GPC4: variants seen among roughly 807,000 people sequenced by gnomAD.
GPC4 encodes the protein glypican 4, also known as glypican-4.
In GPC4, 10 loss-of-function variants were observed where a neutral mutation model predicts 35.0. The ratio of observed to expected loss-of-function variants is 0.29; its 90% CI spans 0.18 to 0.48. GPC4 has a LOEUF of 0.48. Ranked by LOEUF, GPC4 falls within the 20% of genes least tolerant of loss-of-function variation. The probability of loss-of-function intolerance (pLI) is 0.99; values close to 1 mark genes in which losing one functional copy is unlikely to be tolerated. For synonymous variants in GPC4, 167 were observed against 170.2 expected, an observed-to-expected ratio of 0.98 and a Z score of 0.15; for missense variants, 322 against 451.3, an observed-to-expected ratio of 0.71 and a Z score of 2.60.
intron 2 of GPC4, among the ~76,000 whole-genome samples, chrX:133,325,067 T>C (rs948556008): frequency 1.8e-5 from 2 of 111,110 alleles, no homozygotes; most frequent in African/African-American, 3.3e-5. Context: ...TCATGCACTA[T>C]AGCTGCCTGG....
intron 1 of GPC4, among the ~76,000 whole-genome samples, chrX:133,391,712 A>G (rs759588656): frequency 2.2e-4 from 25 of 111,816 alleles, no homozygotes; most frequent in Non-Finnish European, 4.5e-4. Context: ...TGGGCTGTGC[A>G]CATCAAGCAA....
chrX:133,362,741 C>T (rs1169289963), intron 1 of GPC4, among the ~76,000 whole-genome samples: 1 of 112,000 alleles, frequency 8.9e-6, no homozygotes, highest in Non-Finnish European at 1.9e-5. Context: ...TGATGGCTCA[C>T]ACAATCTTTA....
At chrX:133,315,577 C>G (rs1468878970) in intron 3 of GPC4, among the ~76,000 whole-genome samples, 1 of 111,417 alleles carries the variant, frequency 9.0e-6, no homozygotes, top group Non-Finnish European at 1.9e-5. Flanking sequence ...TCAATTACTT[C>G]TTTTGAGTCT....
intron 1 of GPC4, among the ~76,000 whole-genome samples, chrX:133,405,915 C>T (rs1000572440): frequency 8.0e-5 from 9 of 111,968 alleles, no homozygotes; most frequent in African/African-American, 2.9e-4. Context: ...GCCTTTTCTC[C>T]ACATAGAATG....
chrX:133,401,239 A>G (rs953171420), intron 1 of GPC4, among the ~76,000 whole-genome samples: 16 of 111,415 alleles, frequency 1.4e-4, no homozygotes, highest in African/African-American at 5.2e-4. Context: ...GGCATGGGGA[A>G]CCATTGGAGC....
At chrX:133,311,487 T>C (rs1382161583) in intron 3 of GPC4, 64 bp from the exon 4 acceptor site, 1 of 1,044,515 alleles carries the variant, frequency 9.6e-7, no homozygotes, top group South Asian at 1.9e-5. Flanking sequence ...AAATTGCTTC[T>C]ATCACATTGA....
intron 1 of GPC4, among the ~76,000 whole-genome samples, chrX:133,357,028 A>G (rs1292425793): frequency 1.8e-5 from 2 of 111,375 alleles, no homozygotes; most frequent in Non-Finnish European, 3.8e-5. Context: ...TTATATGGAA[A>G]GCATAACAGC....
rs1603052382 is a variant in GPC4 at position 133,300,450 on chromosome X, T to C, written c.*2417A>G. 2.7e-5 allele frequency: 3 copies of C among 112,084 alleles called. No individual in the cohort carries two copies. The highest frequency in any genetic ancestry group is 9.7e-5 in the African/African-American group (3 of 30,867). 9.2% of individuals were successfully genotyped at this position (112,084 alleles called of 1,213,427 possible). Reference sequence around the variant, plus strand: ...TATTCTACTTCATACTCCAAACTCTTAAGGTTTTAAAATATTCAACTTGCC... The same window carrying C: ...TATTCTACTTCATACTCCAAACTCTCAAGGTTTTAAAATATTCAACTTGCC... On this transcript the variant is annotated 3_prime_UTR_variant, in exon 9 of 9. Transcript: ENST00000370828.
intron 1 of GPC4, among the ~76,000 whole-genome samples, chrX:133,406,318 T>C (rs2068787038): frequency 8.9e-6 from 1 of 112,498 alleles, no homozygotes. Context: ...TCCTCCATGT[T>C]TGACACACCT....
chrX:133,403,019 G>A (rs1243714027), intron 1 of GPC4, among the ~76,000 whole-genome samples: 6 of 110,909 alleles, frequency 5.4e-5, no homozygotes, highest in Admixed American at 9.7e-5. Context: ...TTTGTCTACC[G>A]GGATTAAAAC....
At chrX:133,378,390 AC>A (rs1403351655) in intron 1 of GPC4, among the ~76,000 whole-genome samples, 1 of 108,424 alleles carries the variant, frequency 9.2e-6, no homozygotes, top group African/African-American at 3.4e-5. Context: ...ACACGGTGAA[AC>A]CCCATCTCTA....
In GPC4 at chrX:133,303,228, C is replaced by T; in HGVS notation, c.1406G>A (p.Arg469Gln). 7.4e-6 allele frequency: 9 copies of T among 1,211,502 alleles called. No individual in the cohort carries two copies. Among genetic ancestry groups the T allele is most frequent in the Non-Finnish European group, 8.9e-6 (8 of 895,298 alleles). ...ILILRQIMALRVMTSKMKNAY... is the reference protein window; with the variant it reads ...ILILRQIMALQVMTSKMKNAY... ...ATTCTTCATCTTGCTGGTCATCACT[C>T]GAAGAGCCATGATTTGACGAAGGAT... Residue 469 changes from arginine to glutamine, a missense_variant, in exon 8 of 9, where the codon CGA (arginine) becomes CAA (glutamine). By Grantham distance (43) the Arg-to-Gln change is conservative. Coordinates refer to ENST00000370828, the MANE Select transcript of GPC4 (RefSeq NM_001448.3).
chrX:133,343,696 T>C (rs1007922393), intron 1 of GPC4, among the ~76,000 whole-genome samples: 2 of 111,362 alleles, frequency 1.8e-5, no homozygotes, highest in Non-Finnish European at 3.8e-5. Flanking sequence ...CTTAACTCTC[T>C]GGCATTAAAA....
Position 133,300,495 on chromosome X carries a change from TGGGGGTGAGCTTGCCAGCTGCTTA to T in GPC4, c.*2348_*2371del, listed in dbSNP as rs1221556829. On this transcript the variant is annotated 3_prime_UTR_variant, in exon 9 of 9. Coordinates refer to ENST00000370828, the MANE Select transcript of GPC4 (RefSeq NM_001448.3). ...CTTGCCTTTCTTCTTTTTTGGGGAG[TGGGGGTGAGCTTGCCAGCTGCTTA>T]GAAGCCAAGAGTTATCCAGTCAGAC... The T allele has an allele frequency of 9.0e-6, 1 of 110,930 alleles. No homozygotes were observed. The highest frequency in any genetic ancestry group is 9.7e-5 in the Admixed American group (1 of 10,321). The allele number at this position is 110,930 out of a possible 1,213,427, so 9.1% of individuals were successfully genotyped here.
chrX:133,329,440 G>A (rs2068409147), intron 2 of GPC4, among the ~76,000 whole-genome samples: 1 of 111,513 alleles, frequency 9.0e-6, no homozygotes, highest in Admixed American at 9.6e-5. Flanking sequence ...GCTGCTGGAG[G>A]TCTTCTAAGA....
intron 3 of GPC4, among the ~76,000 whole-genome samples, chrX:133,313,488 G>T (rs1275063158): frequency 8.9e-6 from 1 of 112,288 alleles, no homozygotes; most frequent in Non-Finnish European, 1.9e-5. Flanking sequence ...GCCTTTTCTG[G>T]ATAGCCAGAT....
chrX:133,399,102 T>C (rs777064918), intron 1 of GPC4, among the ~76,000 whole-genome samples: 7 of 111,814 alleles, frequency 6.3e-5, no homozygotes, highest in Non-Finnish European at 1.1e-4. Context: ...ATTCCATCCA[T>C]ATTTTGCTAA....
chrX:133,363,965 T>TA (rs1242112969), intron 1 of GPC4, among the ~76,000 whole-genome samples: 1 of 112,303 alleles, frequency 8.9e-6, no homozygotes, highest in African/African-American at 3.2e-5. Context: ...GCTTTTTTCA[T>TA]AAAACATAGT....
rs775813010 is a variant in GPC4 at position 133,302,973 on chromosome X, C to T, written c.1565G>A (p.Ser522Asn). The T allele has an allele frequency of 1.7e-6, 2 of 1,211,605 alleles. No homozygotes were observed. The highest frequency in any genetic ancestry group is 3.0e-5 in the East Asian group (1 of 33,845). The change falls in exon 9 of 9, where the codon AGT becomes AAT. Residue 522 changes from serine (S) to asparagine (N), a missense_variant. This residue lies in a region of GPC4 where 99 missense variants were observed against 110.0 expected (regional missense o/e 0.90). Coordinates refer to ENST00000370828, the MANE Select transcript of GPC4 (RefSeq NM_001448.3). ...AGCACTGTCGGCTTTCTCATTGGCA[C>T]TCTTCCCAGCATGGTCAGTGGCATT... is the stretch of plus-strand genomic sequence containing the variant. ...DYNATDHAGKSANEKADSAGV... is the reference protein window; with the variant it reads ...DYNATDHAGKNANEKADSAGV...
Sources: allele counts gnomAD v4.1 joint callset (sites outside exome capture counted in the v4.1 genomes callset), GRCh38; gene constraint gnomAD v4.1.1; regional missense constraint gnomAD v4.1.1; transcripts MANE v1.5; gene names NCBI Gene and HGNC (gene_info 2026-07-23, HGNC 2026-07-21).